Variants in CNTN4 observed in about 807,000 individuals in gnomAD.
The protein encoded by CNTN4 is contactin 4.
A neutral mutation model predicts 122.5 loss-of-function variants in CNTN4; 77 were observed. That is an observed-to-expected ratio of 0.63 (90% CI 0.52 to 0.76). The LOEUF (loss-of-function observed/expected upper bound fraction) is 0.76. Ranked by LOEUF, CNTN4 falls within the 30% of genes least tolerant of loss-of-function variation. The pLI, the probability that CNTN4 is intolerant of heterozygous loss-of-function variation, is 0.00. For missense variants in CNTN4, 1,256 were observed against 1,259.1 expected (o/e 1.00, Z 0.04); for synonymous variants, 512 against 447.0 (o/e 1.15, Z -1.83).
At chr3:2,884,846 T>C (rs894582795) in intron 9 of CNTN4, among the ~76,000 whole-genome samples, 3 of 152,164 alleles carry the variant, frequency 2.0e-5, no homozygotes, top group Non-Finnish European at 2.9e-5. Context: ...AAATCCCAAA[T>C]TGGCTTCTTC....
chr3:2,169,482 C>T (rs1374165243), intron 2 of CNTN4, among the ~76,000 whole-genome samples: 1 of 152,064 alleles, frequency 6.6e-6, no homozygotes, highest in Non-Finnish European at 1.5e-5. Flanking sequence ...TCTCGGCTCA[C>T]TGCAAGCTCC....
intron 7 of CNTN4, among the ~76,000 whole-genome samples, chr3:2,843,776 G>C (rs1033155655): frequency 6.6e-6 from 1 of 152,170 alleles, no homozygotes; most frequent in Non-Finnish European, 1.5e-5. Flanking sequence ...TTCCTGTACA[G>C]TTTGCAGAAC....
chr3:2,428,278 ATC>A (rs2047922977), intron 3 of CNTN4, among the ~76,000 whole-genome samples: 2 of 152,014 alleles, frequency 1.3e-5, no homozygotes, highest in Admixed American at 6.5e-5. Context: ...TGGTGAGAAA[ATC>A]TCTCAGCATT....
intron 2 of CNTN4, among the ~76,000 whole-genome samples, chr3:2,273,685 G>T (rs1228162201): frequency 6.6e-6 from 1 of 152,100 alleles, no homozygotes; most frequent in African/African-American, 2.4e-5. Context: ...GTGAAGTTCT[G>T]CTTCCCACTT....
At chr3:2,678,084 G>A (rs997919758) in intron 4 of CNTN4, among the ~76,000 whole-genome samples, 2 of 152,010 alleles carry the variant, frequency 1.3e-5, no homozygotes, top group African/African-American at 4.8e-5. Context: ...GGAAAAAAAG[G>A]GGGTACATTT....
chr3:2,471,827 T>C (rs2075694305), intron 3 of CNTN4, among the ~76,000 whole-genome samples: 1 of 152,186 alleles, frequency 6.6e-6, no homozygotes, highest in Admixed American at 6.5e-5. Flanking sequence ...GAATCATGGG[T>C]CTTAGCTTCT....
At chr3:2,472,195 T>A (rs1228288291) in intron 3 of CNTN4, among the ~76,000 whole-genome samples, 2 of 151,720 alleles carry the variant, frequency 1.3e-5, no homozygotes, top group Admixed American at 1.3e-4. Context: ...CTCCACCTGA[T>A]AAATCAAAGA....
chr3:2,227,843 CATTT>C lies in CNTN4; in HGVS notation c.-144-111334_-144-111331del, dbSNP rs371951068. ...TTTCTACATCCTGTATTGTTGGATT[CATTT>C]GTTTGTTTCACAAACCACAGTTAAT... is the stretch of plus-strand genomic sequence containing the variant. On this transcript the variant is annotated intron_variant, in intron 2 of 24. Transcript: ENST00000418658. Among the ~76,000 whole-genome samples, 838 of 152,148 alleles carry C rather than the reference CATTT, an allele frequency of 5.5e-3. 9 individuals are homozygous for C. Among genetic ancestry groups the C allele is most frequent in the African/African-American group, 0.019 (801 of 41,542 alleles).
At chr3:3,016,520 G>A (rs935504941) in intron 14 of CNTN4, among the ~76,000 whole-genome samples, 9 of 152,034 alleles carry the variant, frequency 5.9e-5, no homozygotes, top group East Asian at 1.9e-4. Context: ...ACAAGTTGAC[G>A]GTGAATGACT....
At chr3:2,937,887 G>A (rs1012985867) in intron 13 of CNTN4, among the ~76,000 whole-genome samples, 3 of 152,070 alleles carry the variant, frequency 2.0e-5, no homozygotes, top group Non-Finnish European at 1.5e-5. Flanking sequence ...GCCCATGTAC[G>A]TGCAGCAAGT....
At chr3:2,904,743 A>C (rs2094210938) in intron 12 of CNTN4, among the ~76,000 whole-genome samples, 2 of 152,236 alleles carry the variant, frequency 1.3e-5, no homozygotes, top group Non-Finnish European at 2.9e-5. Context: ...AGTTTATTCC[A>C]AAACAAGTGT....
In CNTN4 at chr3:2,192,859, T is replaced by G. The variant is rs118142594; in HGVS notation, c.-145+92220T>G. On this transcript the variant is annotated intron_variant, in intron 2 of 24. Coordinates refer to ENST00000418658, the MANE Select transcript of CNTN4 (RefSeq NM_175607.3). ...AATAATGAGGTCAAACATTTGTTGT[T>G]GTCATGGGCGACATGGTGTGTACTG... is the stretch of plus-strand genomic sequence containing the variant. Among the ~76,000 whole-genome samples, 98 of 152,300 alleles carry G rather than the reference T, an allele frequency of 6.4e-4. No individual in the cohort carries two copies. The East Asian group carries it at 0.018, about 28-fold the overall frequency.
At chr3:2,913,390 G>A (rs190247874) in intron 12 of CNTN4, among the ~76,000 whole-genome samples, 41 of 152,184 alleles carry the variant, frequency 2.7e-4, no homozygotes, top group African/African-American at 9.4e-4. Flanking sequence ...AAACAAACAG[G>A]ATCTAACTAT....
At chr3:2,626,487 ACT>A (rs2082193222) in intron 4 of CNTN4, among the ~76,000 whole-genome samples, 3 of 134,836 alleles carry the variant, frequency 2.2e-5, no homozygotes, top group South Asian at 5.3e-4. Context: ...ACAGAGCAAG[ACT>A]CTATCTCAAA....
chr3:2,355,570 G>C (rs1017377604), intron 3 of CNTN4, among the ~76,000 whole-genome samples: 1 of 152,268 alleles, frequency 6.6e-6, no homozygotes, highest in African/African-American at 2.4e-5. Context: ...GTGGCACTTA[G>C]CATTCTCTCT....
At chr3:2,240,373 T>A (rs2039883439) in intron 2 of CNTN4, among the ~76,000 whole-genome samples, 1 of 152,166 alleles carries the variant, frequency 6.6e-6, no homozygotes, top group African/African-American at 2.4e-5. Context: ...TTAGTTTGCA[T>A]TAAATGCTCC....
intron 3 of CNTN4, among the ~76,000 whole-genome samples, chr3:2,378,381 A>G (rs1050886140): frequency 3.9e-5 from 6 of 152,154 alleles, no homozygotes; most frequent in African/African-American, 9.7e-5. Flanking sequence ...TGGCTGTGCT[A>G]TACCTTATTT....
intron 2 of CNTN4, among the ~76,000 whole-genome samples, chr3:2,229,535 T>A (rs1038775822): frequency 5.3e-5 from 8 of 152,188 alleles, no homozygotes; most frequent in African/African-American, 1.9e-4. Context: ...TTCATATAGT[T>A]ACGTAAGTAT....
chr3:2,193,031 G>A (rs893499176), intron 2 of CNTN4, among the ~76,000 whole-genome samples: 5 of 152,024 alleles, frequency 3.3e-5, no homozygotes, highest in African/African-American at 1.2e-4. Context: ...TTCTCTCTTA[G>A]TGTATCAGCC....
Sources: allele counts gnomAD v4.1 joint callset (sites outside exome capture counted in the v4.1 genomes callset), GRCh38; gene constraint gnomAD v4.1.1; transcripts MANE v1.5; gene names NCBI Gene and HGNC (gene_info 2026-07-23, HGNC 2026-07-21).